ANKS1B: variants seen among roughly 807,000 people sequenced by gnomAD.
ANKS1B encodes ankyrin repeat and sterile alpha motif domain-containing protein 1B.
In ANKS1B, 36 loss-of-function variants were observed where a neutral mutation model predicts 148.3. The observed-to-expected ratio is 0.24, with a 90% CI of 0.19 to 0.32. The LOEUF is 0.32. Ranked by LOEUF, ANKS1B falls within the 10% of genes least tolerant of loss-of-function variation. The probability of loss-of-function intolerance (pLI) is 1.00; values close to 1 mark genes in which losing one functional copy is unlikely to be tolerated. For synonymous variants in ANKS1B, 542 were observed against 560.8 expected, an observed-to-expected ratio of 0.97 and a Z score of 0.47; for missense variants, 1,157 against 1,542.6, an observed-to-expected ratio of 0.75 and a Z score of 4.19.
At chr12:99,869,686 A>C (rs2091245596) in intron 1 of ANKS1B, among the ~76,000 whole-genome samples, 1 of 151,966 alleles carries the variant, frequency 6.6e-6, no homozygotes, top group Non-Finnish European at 1.5e-5. Context: ...TGTCTCAAAA[A>C]AAAAAAAAAA....
At chr12:99,724,371 A>G (rs890692449) in intron 8 of ANKS1B, among the ~76,000 whole-genome samples, 2 of 152,250 alleles carry the variant, frequency 1.3e-5, no homozygotes, top group African/African-American at 4.8e-5. Context: ...AGAAGTATCA[A>G]TAGCCGAATC....
intron 12 of ANKS1B, among the ~76,000 whole-genome samples, chr12:99,341,903 T>A (rs1273499728): frequency 1.3e-5 from 2 of 152,154 alleles, no homozygotes; most frequent in Admixed American, 6.6e-5. Flanking sequence ...TAATAATTAC[T>A]TCATTACATG....
intron 18 of ANKS1B, among the ~76,000 whole-genome samples, chr12:98,830,172 G>C (rs2153690293): frequency 6.6e-6 from 1 of 152,222 alleles, no homozygotes. Flanking sequence ...CTCCTCTAAA[G>C]AGTCATTTTA....
chr12:99,303,669 G>T (rs965365398), intron 12 of ANKS1B, among the ~76,000 whole-genome samples: 1 of 152,062 alleles, frequency 6.6e-6, no homozygotes, highest in African/African-American at 2.4e-5. Flanking sequence ...GGGAACAGGT[G>T]GTGTTTGGTT....
chr12:99,444,026 T>C (rs2095594569), intron 10 of ANKS1B, among the ~76,000 whole-genome samples: 2 of 151,980 alleles, frequency 1.3e-5, no homozygotes, highest in South Asian at 2.1e-4. Context: ...CCCTGGAATG[T>C]TGTTCTGAGA....
In ANKS1B at chr12:98,745,491, C is replaced by T. The variant is rs1412889612; in HGVS notation, c.*248G>A. On this transcript the variant is annotated 3_prime_UTR_variant, in exon 27 of 27. Coordinates refer to ENST00000683438, the MANE Select transcript of ANKS1B (RefSeq NM_001352186.2). The stretch of plus-strand genomic sequence containing the variant: ...CTTGGGAGGTGGTGGGGAGGGGAGT[C>T]GGGAGCATCAGGGAAAACCCATCTC... 7 of 1,156,602 alleles carry T rather than the reference C, an allele frequency of 6.1e-6. No homozygotes were observed. In the South Asian group the frequency reaches 8.0e-5, roughly 13 times the overall value. 71.6% of individuals were successfully genotyped at this position (1,156,602 alleles called of 1,614,324 possible).
intron 17 of ANKS1B, among the ~76,000 whole-genome samples, chr12:98,891,870 C>T (rs1409200503): frequency 6.6e-6 from 1 of 152,176 alleles, no homozygotes; most frequent in Non-Finnish European, 1.5e-5. Flanking sequence ...AGCCTATTCA[C>T]ACTTCTGTTA....
chr12:99,825,213 A>G, intron 2 of ANKS1B, 96 bp downstream of exon 2: 3 of 1,012,630 alleles, frequency 3.0e-6, no homozygotes, highest in South Asian at 3.0e-5. Flanking sequence ...AGCCCATTGG[A>G]CTCACAGAGA....
At position 99,746,750 on chromosome 12, in the gene ANKS1B, C is replaced by T. The variant is rs535355559; in HGVS notation, c.1128+26172G>A. On this transcript the variant is annotated intron_variant, in intron 8 of 26. Transcript: ENST00000683438. ...CAGACCTCAGGAGGCAGTATTGTCC[C>T]ATCTGGGCATAGTCTTACATACAGA... 1.2e-3 allele frequency among the ~76,000 whole-genome samples: 189 copies of T among 152,234 alleles called. 1 individual carries two copies. Among genetic ancestry groups the T allele is most frequent in the African/African-American group, 4.3e-3 (180 of 41,552 alleles).
chr12:99,224,554 T>C (rs536113592), intron 14 of ANKS1B, among the ~76,000 whole-genome samples: 17 of 152,308 alleles, frequency 1.1e-4, no homozygotes, highest in African/African-American at 4.1e-4. Flanking sequence ...CCTATGCTTC[T>C]GCTTTGCCTT....
At chr12:99,116,623 A>T (rs1005893573) in intron 15 of ANKS1B, among the ~76,000 whole-genome samples, 8 of 151,934 alleles carry the variant, frequency 5.3e-5, no homozygotes, top group Non-Finnish European at 8.8e-5. Context: ...CAGTAGATTT[A>T]AAAAAAATAA....
intron 17 of ANKS1B, among the ~76,000 whole-genome samples, chr12:98,960,539 C>G (rs1445031754): frequency 6.6e-6 from 1 of 152,108 alleles, no homozygotes; most frequent in Non-Finnish European, 1.5e-5. Context: ...AGAATGGGTA[C>G]AAACGAGCCC....
At chr12:99,411,904 C>A (rs2094720750) in intron 11 of ANKS1B, among the ~76,000 whole-genome samples, 1 of 152,138 alleles carries the variant, frequency 6.6e-6, no homozygotes, top group East Asian at 1.9e-4. Flanking sequence ...TCCTAAAGAA[C>A]CTTCATTAAT....
At chr12:98,815,638 C>T (rs1374810662) in intron 19 of ANKS1B, among the ~76,000 whole-genome samples, 2 of 152,168 alleles carry the variant, frequency 1.3e-5, no homozygotes, top group Admixed American at 6.5e-5. Context: ...ACCTCACCTC[C>T]CTGTGAGCTT....
intron 1 of ANKS1B, among the ~76,000 whole-genome samples, chr12:99,942,710 C>G (rs2153817066): frequency 6.6e-6 from 1 of 152,046 alleles, no homozygotes; most frequent in African/African-American, 2.4e-5. Context: ...GAATGCCCAC[C>G]ATAAACTCAA....
intron 17 of ANKS1B, among the ~76,000 whole-genome samples, chr12:99,047,032 A>G (rs1211716002): frequency 6.6e-6 from 1 of 152,204 alleles, no homozygotes; most frequent in African/African-American, 2.4e-5. Context: ...GGTGAACTGT[A>G]GTACAACTTT....
chr12:99,268,378 G>C (rs2076675933), intron 12 of ANKS1B, among the ~76,000 whole-genome samples: 1 of 152,194 alleles, frequency 6.6e-6, no homozygotes, highest in Non-Finnish European at 1.5e-5. Flanking sequence ...TACCTGGATA[G>C]ATCTTGTTCA....
intron 12 of ANKS1B, among the ~76,000 whole-genome samples, chr12:99,250,676 G>C (rs972209197): frequency 7.0e-6 from 1 of 143,674 alleles, no homozygotes; most frequent in East Asian, 1.9e-4. Flanking sequence ...CATTAAGTTT[G>C]GGAGGGTTTG....
chr12:99,120,593 T>C (rs80076380), intron 15 of ANKS1B, among the ~76,000 whole-genome samples: 3 of 152,210 alleles, frequency 2.0e-5, no homozygotes, highest in Admixed American at 6.5e-5. Flanking sequence ...TAAATTCTTA[T>C]TGAGATGAAA....
Sources: allele counts gnomAD v4.1 joint callset (sites outside exome capture counted in the v4.1 genomes callset), GRCh38; gene constraint gnomAD v4.1.1; transcripts MANE v1.5; gene names NCBI Gene and HGNC (gene_info 2026-07-23, HGNC 2026-07-21).